The following TOPBP1 variants were observed in gnomAD, a reference collection of about 807,000 sequenced individuals.
TOPBP1 encodes DNA topoisomerase II binding protein 1.
A neutral mutation model predicts 167.7 loss-of-function variants in TOPBP1; 28 were observed. The ratio of observed to expected loss-of-function variants is 0.17; its 90% CI spans 0.12 to 0.23. The LOEUF is 0.23. TOPBP1 is among the 10% of genes least tolerant of loss of function. TOPBP1 has a pLI of 1.00. For missense variants in TOPBP1, 1,554 were observed against 1,809.6 expected (o/e 0.86, Z 2.56); for synonymous variants, 598 against 611.4 (o/e 0.98, Z 0.32).
Position 133,617,307 on chromosome 3 carries a change from G to A in TOPBP1, c.3612C>T (p.Asn1204=). Reference sequence around the variant, plus strand: ...GTTTGGGAGCTTCAGTCACACGTATGTTTCCAGGATCACAGACAGCTGAGG... The same window carrying A: ...GTTTGGGAGCTTCAGTCACACGTATATTTCCAGGATCACAGACAGCTGAGG... ...IAKQAVCDPG[N]IRVTEAPKHP... The change falls in exon 22 of 28, where the codon AAC becomes AAT. Residue 1204 remains asparagine, a synonymous_variant. Transcript: ENST00000260810. 1.2e-6 allele frequency: 2 copies of A among 1,611,798 alleles called. No individual in the cohort carries two copies. Among genetic ancestry groups the A allele is most frequent in the Non-Finnish European group, 1.7e-6 (2 of 1,179,142 alleles).
intron 14 of TOPBP1, among the ~76,000 whole-genome samples, chr3:133,631,699 C>T (rs527792039): frequency 2.0e-4 from 30 of 152,148 alleles, no homozygotes; most frequent in Middle Eastern, 3.4e-3. Context: ...CGGGCTGTGG[C>T]GCGACCTTGG....
intron 27 of TOPBP1, among the ~76,000 whole-genome samples, chr3:133,604,379 T>G (rs7652043): frequency 0.036 from 5,420 of 151,730 alleles, 352 homozygotes; most frequent in African/African-American, 0.12. Flanking sequence ...TCAAGTGATC[T>G]GCCCACCTCA....
At chr3:133,601,645 A>G (rs1934303472) in intron 27 of TOPBP1, among the ~76,000 whole-genome samples, 1 of 152,202 alleles carries the variant, frequency 6.6e-6, no homozygotes, top group Non-Finnish European at 1.5e-5. Flanking sequence ...CAAACATTTC[A>G]TATCGGTGTT....
intron 25 of TOPBP1, among the ~76,000 whole-genome samples, chr3:133,609,167 G>A (rs549360473): frequency 6.6e-6 from 1 of 152,248 alleles, no homozygotes; most frequent in East Asian, 1.9e-4. Context: ...AATACGTGAG[G>A]AATGAAAAAC....
intron 5 of TOPBP1, among the ~76,000 whole-genome samples, chr3:133,656,049 A>G (rs1156896344): frequency 6.6e-6 from 1 of 151,300 alleles, no homozygotes; most frequent in Non-Finnish European, 1.5e-5. Flanking sequence ...GTATGCCAAT[A>G]CAATTCTGTG....
At position 133,608,869 on chromosome 3, in the gene TOPBP1, A is replaced by C. The variant is rs575284350; in HGVS notation, c.4263+4T>G. 2 of 1,606,294 alleles carry C rather than the reference A, an allele frequency of 1.2e-6. No individual in the cohort carries two copies. The highest frequency in any genetic ancestry group is 3.5e-5 in the Admixed American group (2 of 57,756). On this transcript the variant is annotated splice_donor_region_variant and intron_variant, in intron 26 of 27. Transcript: ENST00000260810. ...AAAGGTCAGTAAATTAATTTGATAC[A>C]AACCTTTGCTCCTCCTGACTGAAGA... is the stretch of plus-strand genomic sequence containing the variant.
intron 10 of TOPBP1, among the ~76,000 whole-genome samples, chr3:133,646,867 T>A (rs1056513603): frequency 3.3e-5 from 5 of 152,082 alleles, no homozygotes; most frequent in African/African-American, 1.2e-4. Flanking sequence ...CTAAAAACAC[T>A]TCAAAATACA....
intron 25 of TOPBP1, among the ~76,000 whole-genome samples, chr3:133,609,679 T>C (rs1340227025): frequency 6.6e-6 from 1 of 152,196 alleles, no homozygotes; most frequent in Admixed American, 6.5e-5. Context: ...TGCTCTGCAC[T>C]TCTCTCTCCT....
At position 133,653,352 on chromosome 3, in the gene TOPBP1, T is replaced by A. The variant is rs768817206; in HGVS notation, c.915A>T (p.Thr305=). The A allele has an allele frequency of 1.9e-6, 3 of 1,593,534 alleles. No individual in the cohort carries two copies. In the African/African-American group the frequency reaches 4.1e-5, roughly 22 times the overall value. ...NSSTPTSQIN[T]IDSRTLSDVS... ...AATCTCAATGAGACTCACTATCAAT[T>A]GTGTTGATCTGGCTGGTAGGAGTTG... Residue 305 remains threonine, a synonymous_variant, in exon 7 of 28, where the codon ACA becomes ACT. Coordinates refer to ENST00000260810, the MANE Select transcript of TOPBP1 (RefSeq NM_007027.4).
At chr3:133,602,563 TTG>T (rs1934339832) in intron 27 of TOPBP1, among the ~76,000 whole-genome samples, 1 of 152,194 alleles carries the variant, frequency 6.6e-6, no homozygotes, top group South Asian at 2.1e-4. Context: ...AAAATCTTAT[TTG>T]GGGCTATAAG....
At position 133,618,310 on chromosome 3, in the gene TOPBP1, A is replaced by G. The variant is rs770315188; in HGVS notation, c.3495T>C (p.Ser1165=). 24 of 1,614,026 alleles carry G rather than the reference A, an allele frequency of 1.5e-5. No individual in the cohort carries two copies. Among genetic ancestry groups the G allele is most frequent in the Non-Finnish European group, 2.0e-5 (24 of 1,179,868 alleles). The change falls in exon 21 of 28, where the codon AGT becomes AGC. Residue 1165 remains serine, a synonymous_variant. Coordinates refer to ENST00000260810, the MANE Select transcript of TOPBP1 (RefSeq NM_007027.4). ...ARLASNLQWP[S]CPTQYSELQV... ...GAAGCTCAGAGTATTGTGTGGGACA[A>G]CTAGGCCACTGCAAATTGCTGGCAA...
rs757275602 is a variant in TOPBP1, at chr3:133,649,462, T to C, written c.1425A>G (p.Lys475=). ...LKKKNSSFSK[K]DFAPSEKHEQ... ...CATGCTTTTCACTAGGAGCAAAGTC[T>C]TTCTTAGAGAAGCTGCTGTTCTTCT... The change falls in exon 10 of 28, where the codon AAA becomes AAG. Residue 475 remains lysine, a synonymous_variant. Coordinates refer to ENST00000260810, the MANE Select transcript of TOPBP1 (RefSeq NM_007027.4). 8.7e-6 allele frequency: 14 copies of C among 1,613,840 alleles called. No homozygotes were observed. The South Asian group carries it at 1.2e-4, about 14-fold the overall frequency.
chr3:133,646,782 A>C (rs915175196), intron 10 of TOPBP1, among the ~76,000 whole-genome samples: 3 of 152,240 alleles, frequency 2.0e-5, no homozygotes, highest in African/African-American at 7.2e-5. Flanking sequence ...GTACGGAAAT[A>C]GTGTAAATAA....
At chr3:133,652,752 G>T (rs193294686) in intron 7 of TOPBP1, 123 bp from the exon 8 acceptor site, 307 of 757,154 alleles carry the variant, frequency 4.1e-4, no homozygotes, top group Middle Eastern at 7.8e-4. Context: ...AGATTCAGGG[G>T]TGTTTACTGA....
At chr3:133,615,012 G>A (rs1269594432) in intron 23 of TOPBP1, among the ~76,000 whole-genome samples, 1 of 149,254 alleles carries the variant, frequency 6.7e-6, no homozygotes, top group Non-Finnish European at 1.5e-5. Flanking sequence ...ATAAAGCTGT[G>A]AGCTTCACCC....
chr3:133,606,372 A>G (rs1392047293), intron 27 of TOPBP1, among the ~76,000 whole-genome samples: 2 of 152,174 alleles, frequency 1.3e-5, no homozygotes, highest in East Asian at 3.8e-4. Flanking sequence ...GAGAGAAATT[A>G]AAGAAGACCT....
At chr3:133,646,776 G>A (rs745924424) in intron 10 of TOPBP1, among the ~76,000 whole-genome samples, 54 of 152,118 alleles carry the variant, frequency 3.5e-4, no homozygotes, top group East Asian at 9.6e-4. Flanking sequence ...TTTGTAGTAC[G>A]GAAATAGTGT....
At chr3:133,606,335 C>G (rs907130755) in intron 27 of TOPBP1, among the ~76,000 whole-genome samples, 4 of 151,966 alleles carry the variant, frequency 2.6e-5, no homozygotes, top group African/African-American at 9.7e-5. Context: ...GGTAAGTTCC[C>G]TTACTGAAAA....
intron 8 of TOPBP1, 107 bp downstream of exon 8, chr3:133,652,356 T>C (rs1936335964): frequency 1.6e-6 from 2 of 1,216,982 alleles, no homozygotes; most frequent in Non-Finnish European, 2.3e-6. Flanking sequence ...AGTGGAGGGT[T>C]TACATAGATA....
Sources: allele counts gnomAD v4.1 joint callset (sites outside exome capture counted in the v4.1 genomes callset), GRCh38; gene constraint gnomAD v4.1.1; transcripts MANE v1.5; gene names NCBI Gene and HGNC (gene_info 2026-07-23, HGNC 2026-07-21).